Variants in PLEKHG1 observed in about 807,000 individuals in gnomAD.
PLEKHG1 encodes pleckstrin homology domain-containing family G member 1.
Under a neutral mutation model 100.8 loss-of-function variants are expected in PLEKHG1, and 44 were observed. That is an observed-to-expected ratio of 0.44 (90% CI 0.34 to 0.56). PLEKHG1 has a LOEUF of 0.56. Ranked by LOEUF, PLEKHG1 falls within the 20% of genes least tolerant of loss-of-function variation. The probability of loss-of-function intolerance (pLI) is 0.01; values close to 1 mark genes in which losing one functional copy is unlikely to be tolerated. For missense variants in PLEKHG1, 1,545 were observed against 1,720.9 expected (o/e 0.90, Z 1.81); for synonymous variants, 640 against 662.5 (o/e 0.97, Z 0.52).
chr6:150,617,207 A>C (rs1028872939), intron 1 of PLEKHG1, among the ~76,000 whole-genome samples: 3 of 152,262 alleles, frequency 2.0e-5, no homozygotes, highest in Non-Finnish European at 2.9e-5. Flanking sequence ...CTTCTGGTGA[A>C]GATTATAGAA....
intron 2 of PLEKHG1, among the ~76,000 whole-genome samples, chr6:150,643,752 C>T (rs1451748164): frequency 6.6e-6 from 1 of 152,156 alleles, no homozygotes; most frequent in African/African-American, 2.4e-5. Flanking sequence ...ACCAGGCATT[C>T]ACTACATAAT....
chr6:150,745,906 C>A (rs986985498), intron 2 of PLEKHG1, among the ~76,000 whole-genome samples: 1 of 151,796 alleles, frequency 6.6e-6, no homozygotes, highest in African/African-American at 2.4e-5. Context: ...CACCGGCCAC[C>A]CTGGAGAACA....
intron 3 of PLEKHG1, among the ~76,000 whole-genome samples, chr6:150,773,730 G>A (rs1053683925): frequency 6.6e-6 from 1 of 151,364 alleles, no homozygotes; most frequent in Non-Finnish European, 1.5e-5. Context: ...TCATTTCTTT[G>A]AACTACTCTA....
chr6:150,831,317 G>A lies in PLEKHG1; in HGVS notation c.2206G>A (p.Ala736Thr). 6.2e-7 allele frequency: 1 copy of A among 1,614,156 alleles called. No homozygotes were observed. ...CAGCCAAAGCACGCATGAACTCCAA[G>A]CGGTTGAGGAGAACATCTATGACAC... The change falls in exon 15 of 16, where the codon GCG becomes ACG. Residue 736 changes from alanine (A) to threonine (T), a missense_variant. Physicochemically the swap from Ala to Thr is moderately conservative, Grantham distance 58. Transcript: ENST00000358517. This position sits in a 1 kb window ranked among gnomAD's most constrained non-coding sequence, Gnocchi z 4.1.
intron 3 of PLEKHG1, among the ~76,000 whole-genome samples, chr6:150,689,871 AAG>A (rs1311546133): frequency 6.6e-6 from 1 of 151,944 alleles, no homozygotes; most frequent in Non-Finnish European, 1.5e-5. Context: ...AAAAAAAAAA[AAG>A]AAAAACAGAA....
Position 150,739,616 on chromosome 6 carries a change from C to T in PLEKHG1, c.411+5524C>T, listed in dbSNP as rs905034002. Among the ~76,000 whole-genome samples, 113 of 151,348 alleles carry T rather than the reference C, an allele frequency of 7.5e-4. 1 individual carries two copies. Among genetic ancestry groups the T allele is most frequent in the African/African-American group, 2.7e-3 (110 of 41,148 alleles). ...CTAGGAGGCGGAGGTTGCAGTGAGC[C>T]GAGATCGTGCCATTGCATTCCAGCT... On this transcript the variant is annotated intron_variant, in intron 2 of 15. Coordinates refer to ENST00000358517, the Ensembl canonical transcript of PLEKHG1.
chr6:150,617,589 T>C (rs771693647), intron 1 of PLEKHG1, among the ~76,000 whole-genome samples: 2 of 152,204 alleles, frequency 1.3e-5, no homozygotes, highest in Non-Finnish European at 2.9e-5. Context: ...CTGTTTCCCA[T>C]AGAACTCAGT....
At chr6:150,803,591 A>G (rs1219250058) in intron 6 of PLEKHG1, among the ~76,000 whole-genome samples, 1 of 152,156 alleles carries the variant, frequency 6.6e-6, no homozygotes, top group Non-Finnish European at 1.5e-5. Context: ...CTCCAGTGGT[A>G]AGATGATTGC....
chr6:150,696,669 A>C (rs1265691155), intron 3 of PLEKHG1, among the ~76,000 whole-genome samples: 1 of 152,222 alleles, frequency 6.6e-6, no homozygotes, highest in Non-Finnish European at 1.5e-5. Context: ...GCTCATGAGC[A>C]TAATTTTACA....
chr6:150,806,817 A>G (rs1787137213), intron 7 of PLEKHG1, among the ~76,000 whole-genome samples: 1 of 135,032 alleles, frequency 7.4e-6, no homozygotes, highest in Non-Finnish European at 1.6e-5. Context: ...GAGACAGAGC[A>G]AGACTCCATC....
chr6:150,679,515 C>T (rs1197044231), intron 3 of PLEKHG1, among the ~76,000 whole-genome samples: 1 of 152,208 alleles, frequency 6.6e-6, no homozygotes, highest in African/African-American at 2.4e-5. Context: ...TAATTACAGG[C>T]TTGCTTCTTT....
chr6:150,808,656 G>A (rs568987799), intron 7 of PLEKHG1, among the ~76,000 whole-genome samples: 2 of 152,330 alleles, frequency 1.3e-5, no homozygotes, highest in South Asian at 4.1e-4. Context: ...AGGAGGCTGA[G>A]GCAGGAGGAT....
At position 150,637,792 on chromosome 6, in the gene PLEKHG1, C is replaced by T. The variant is rs141696170; in HGVS notation, c.-203-288C>T. Reference sequence around the variant, plus strand: ...TCGGTCCTTTTATTTTTGAGCTTTACTATCTGAAGTCTTCTCTAGCTTAGG... The same window carrying T: ...TCGGTCCTTTTATTTTTGAGCTTTATTATCTGAAGTCTTCTCTAGCTTAGG... On this transcript the variant is annotated intron_variant, in intron 1 of 3. Coordinates refer to the PLEKHG1 transcript ENST00000367326. 5.8e-3 allele frequency among the ~76,000 whole-genome samples: 880 copies of T among 152,214 alleles called. 4 individuals are homozygous for T. Among genetic ancestry groups the T allele is most frequent in the African/African-American group, 0.02 (814 of 41,538 alleles).
At chr6:150,633,701 A>C (rs185535755) in intron 1 of PLEKHG1, among the ~76,000 whole-genome samples, 1 of 152,260 alleles carries the variant, frequency 6.6e-6, no homozygotes, top group East Asian at 1.9e-4. Flanking sequence ...ATTCTAAACC[A>C]ATTTGGTTGA....
chr6:150,784,111 C>T (rs751952507), intron 3 of PLEKHG1, among the ~76,000 whole-genome samples: 1 of 152,164 alleles, frequency 6.6e-6, no homozygotes, highest in Non-Finnish European at 1.5e-5. Flanking sequence ...TGTGGACCTC[C>T]TGAAGGGGTC....
intron 1 of PLEKHG1, among the ~76,000 whole-genome samples, chr6:150,731,040 G>C (rs945583473): frequency 2.0e-5 from 3 of 152,164 alleles, no homozygotes; most frequent in Admixed American, 6.5e-5. Context: ...TGATGGTCTA[G>C]GTTATGGAGG....
chr6:150,789,466 T>C (rs778166102), intron 4 of PLEKHG1, among the ~76,000 whole-genome samples: 27 of 152,144 alleles, frequency 1.8e-4, no homozygotes, highest in South Asian at 8.3e-4. Flanking sequence ...GTTAAAGATA[T>C]ATAACTGATT....
At chr6:150,750,391 T>C (rs1783435960) in intron 2 of PLEKHG1, among the ~76,000 whole-genome samples, 1 of 152,170 alleles carries the variant, frequency 6.6e-6, no homozygotes, top group Non-Finnish European at 1.5e-5. Flanking sequence ...AATCCCAGTC[T>C]CTGGGGCCGG....
intron 2 of PLEKHG1, among the ~76,000 whole-genome samples, chr6:150,754,517 T>G (rs914252524): frequency 6.6e-6 from 1 of 151,744 alleles, no homozygotes; most frequent in South Asian, 2.1e-4. Flanking sequence ...AGGTGAGAGA[T>G]GAGAACAAGG....
Sources: gnomAD v4.1 joint callset for allele counts (sites outside exome capture counted in the v4.1 genomes callset) on GRCh38, gnomAD v4.1.1 for gene constraint, Gnocchi (gnomAD v3.1) non-coding constraint, MANE v1.5 for transcripts, NCBI Gene and HGNC (gene_info 2026-07-23, HGNC 2026-07-21) for gene names.